The following MAPK10 variants were observed in gnomAD, a reference collection of about 807,000 sequenced individuals.
The protein encoded by MAPK10 is JNK3 alpha protein kinase.
A neutral mutation model predicts 59.3 loss-of-function variants in MAPK10; 25 were observed. The ratio of observed to expected loss-of-function variants is 0.42; its 90% CI spans 0.31 to 0.59. The LOEUF is 0.59. Ranked by LOEUF, MAPK10 falls within the 20% of genes least tolerant of loss-of-function variation. MAPK10 has a pLI of 0.15. For missense variants in MAPK10, 351 were observed against 568.9 expected (o/e 0.62, Z 3.90); for synonymous variants, 190 against 200.5 (o/e 0.95, Z 0.44).
intron 1 of MAPK10, among the ~76,000 whole-genome samples, chr4:86,359,263 C>CTCTCT (rs1554248207): frequency 3.7e-5 from 2 of 53,454 alleles, no homozygotes; most frequent in African/African-American, 5.9e-5. Flanking sequence ...TTTTTTTTTT[C>CTCTCT]CTCTCTCTCT....
chr4:86,315,798 C>T (rs1179607593), intron 2 of MAPK10, among the ~76,000 whole-genome samples: 1 of 152,002 alleles, frequency 6.6e-6, no homozygotes, highest in Admixed American at 6.6e-5. Context: ...ACATATCAAG[C>T]AAGAAAAATT....
chr4:86,280,942 T>G (rs1325214725), intron 2 of MAPK10, among the ~76,000 whole-genome samples: 1 of 152,014 alleles, frequency 6.6e-6, no homozygotes. Flanking sequence ...TTGGGACTAC[T>G]GGGGGAAGGA....
At chr4:86,027,127 C>T (rs6856450) in intron 13 of MAPK10, 37,427 of 152,094 alleles carry the variant, frequency 0.25, 5,962 homozygotes, top group African/African-American at 0.46. Context: ...TAATGTGTAG[C>T]ATACATATGA....
chr4:86,248,379 G>A (rs2093230854), intron 2 of MAPK10, among the ~76,000 whole-genome samples: 1 of 152,136 alleles, frequency 6.6e-6, no homozygotes, highest in African/African-American at 2.4e-5. Context: ...CAACAGTCAA[G>A]AAAACTTATC....
At chr4:86,159,612 G>T (rs796559954) in intron 3 of MAPK10, 145 bp from the exon 4 acceptor site, 14 of 625,316 alleles carry the variant, frequency 2.2e-5, no homozygotes, top group African/African-American at 1.9e-4. Context: ...AAAAAAATAT[G>T]TATCAGTCCA....
intron 1 of MAPK10, among the ~76,000 whole-genome samples, chr4:86,392,097 A>T (rs1424843721): frequency 6.6e-6 from 1 of 152,044 alleles, no homozygotes; most frequent in African/African-American, 2.4e-5. Flanking sequence ...TGAGCCTGGA[A>T]CTCTGCAAGG....
chr4:86,465,221 A>G (rs1444715774), intron 1 of MAPK10, among the ~76,000 whole-genome samples: 1 of 152,192 alleles, frequency 6.6e-6, no homozygotes, highest in African/African-American at 2.4e-5. Flanking sequence ...GCCAATCAGG[A>G]GAGTCTTCTG....
intron 2 of MAPK10, among the ~76,000 whole-genome samples, chr4:86,309,585 G>A (rs886329558): frequency 3.9e-5 from 6 of 152,084 alleles, no homozygotes; most frequent in Admixed American, 1.3e-4. Flanking sequence ...CCTAGAAATC[G>A]TTCGTGGTGG....
At chr4:86,172,928 C>G (rs569081004) in intron 3 of MAPK10, among the ~76,000 whole-genome samples, 11 of 151,680 alleles carry the variant, frequency 7.3e-5, no homozygotes, top group Non-Finnish European at 1.5e-4. Flanking sequence ...AGGATCTTTT[C>G]AAGGAGAATT....
chr4:86,548,884 A>G lies in MAPK10; in HGVS notation c.-263+45026T>C, dbSNP rs547004433. Among the ~76,000 whole-genome samples, 90 of 152,286 alleles carry G rather than the reference A, an allele frequency of 5.9e-4. No individual in the cohort carries two copies. The Middle Eastern group carries it at 0.024, about 41-fold the overall frequency. Reference sequence around the variant, plus strand: ...GAAAGACTAAACACATTCTGAATAGATTTTGGTTCCTTTAAAATGACTTTA... The same window carrying G: ...GAAAGACTAAACACATTCTGAATAGGTTTTGGTTCCTTTAAAATGACTTTA... On this transcript the variant is annotated intron_variant, in intron 1 of 4. Transcript: ENST00000502302.
intron 8 of MAPK10, 56 bp from the exon 9 acceptor site, chr4:86,098,651 G>A (rs2054695157): frequency 7.7e-7 from 1 of 1,306,656 alleles, no homozygotes; most frequent in Admixed American, 1.7e-5. Context: ...AGTTAACTAA[G>A]ATAATTGACT....
At chr4:86,242,322 C>T (rs1698467275) in intron 2 of MAPK10, among the ~76,000 whole-genome samples, 1 of 152,138 alleles carries the variant, frequency 6.6e-6, no homozygotes, top group Non-Finnish European at 1.5e-5. Flanking sequence ...TGGAGGGTCT[C>T]ACCCAGTTGG....
At chr4:86,152,206 G>A (rs892515220) in intron 4 of MAPK10, 1 of 152,172 alleles carries the variant, frequency 6.6e-6, no homozygotes, top group Admixed American at 6.5e-5. Context: ...CCTGGATTGA[G>A]AGTGAAATCA....
Position 86,073,872 on chromosome 4 carries a change from T to C in MAPK10, c.803-5917A>G, listed in dbSNP as rs1399532663. Among the ~76,000 whole-genome samples the C allele has an allele frequency of 6.1e-4, 70 of 115,058 alleles. 1 individual carries two copies. In the South Asian group the frequency reaches 0.015, roughly 25 times the overall value. 75.5% of individuals were successfully genotyped at this position (115,058 alleles called of 152,430 possible). ...GTGCTGAAAAAAATGTATATTCTGT[T>C]GATTTGGGGTGGTGAGTTCTGTAGA... is the stretch of plus-strand genomic sequence containing the variant. On this transcript the variant is annotated intron_variant, in intron 9 of 13. Coordinates refer to ENST00000641462, the MANE Select transcript of MAPK10 (RefSeq NM_138982.4).
At position 86,164,282 on chromosome 4, in the gene MAPK10, T is replaced by C. The variant is rs181193315; in HGVS notation, c.67-4815A>G. Among the ~76,000 whole-genome samples the C allele has an allele frequency of 1.8e-4, 27 of 152,278 alleles. No individual in the cohort carries two copies. The East Asian group carries it at 5.0e-3, about 28-fold the overall frequency. ...AAAAGATAGAGAAACAATAAAACCATTAAATCCAGTTTTAAAAACAAATGT... is the reference window on the plus strand; with the variant it reads ...AAAAGATAGAGAAACAATAAAACCACTAAATCCAGTTTTAAAAACAAATGT... On this transcript the variant is annotated intron_variant, in intron 3 of 13. Coordinates refer to ENST00000641462, the MANE Select transcript of MAPK10 (RefSeq NM_138982.4).
chr4:86,294,071 T>C (rs2095296882), intron 2 of MAPK10, among the ~76,000 whole-genome samples: 2 of 152,232 alleles, frequency 1.3e-5, no homozygotes, highest in African/African-American at 4.8e-5. Flanking sequence ...TGCTGGCTGA[T>C]GTGTCCACGG....
At chr4:86,238,068 G>A (rs2092414919) in intron 2 of MAPK10, among the ~76,000 whole-genome samples, 2 of 152,164 alleles carry the variant, frequency 1.3e-5, no homozygotes, top group Admixed American at 1.3e-4. Flanking sequence ...CCTATGACTT[G>A]TCAGTTTTCC....
intron 1 of MAPK10, among the ~76,000 whole-genome samples, chr4:86,466,134 CCTA>C (rs1752177643): frequency 1.3e-5 from 2 of 152,176 alleles, no homozygotes; most frequent in Admixed American, 1.3e-4. Flanking sequence ...TAAATCTACT[CCTA>C]TAATTGAGGC....
intron 2 of MAPK10, among the ~76,000 whole-genome samples, chr4:86,297,724 G>A (rs368103207): frequency 5.0e-5 from 7 of 139,952 alleles, no homozygotes; most frequent in South Asian, 2.5e-4. Flanking sequence ...GTTATTACCC[G>A]GACGATTTTT....
Sources: gnomAD v4.1 joint callset for allele counts (sites outside exome capture counted in the v4.1 genomes callset) on GRCh38, gnomAD v4.1.1 for gene constraint, MANE v1.5 for transcripts, NCBI Gene and HGNC (gene_info 2026-07-23, HGNC 2026-07-21) for gene names.